Variants in B3GAT2 observed in about 807,000 individuals in gnomAD.
The protein encoded by B3GAT2 is galactosylgalactosylxylosylprotein 3-beta-glucuronosyltransferase 2.
B3GAT2 carries 26 observed loss-of-function variants against 27.8 expected under a neutral mutation model. The ratio of observed to expected loss-of-function variants is 0.93; its 90% CI spans 0.68 to 1.30. The LOEUF (loss-of-function observed/expected upper bound fraction) is 1.30, where lower values mean the gene tolerates loss of function less well. Among genes scored for constraint, B3GAT2 ranks in the 50% most tolerant of loss-of-function variants. The pLI, the probability that B3GAT2 is intolerant of heterozygous loss-of-function variation, is 0.00. For synonymous variants in B3GAT2, 218 were observed against 195.1 expected, an observed-to-expected ratio of 1.12 and a Z score of -0.98; for missense variants, 458 against 459.0, an observed-to-expected ratio of 1.00 and a Z score of 0.02.
chr6:70,895,833 C>CT (rs11412558), intron 1 of B3GAT2, among the ~76,000 whole-genome samples: 45,575 of 147,358 alleles, frequency 0.31, 7,106 homozygotes, highest in African/African-American at 0.36. Flanking sequence ...ACTTTTACAA[C>CT]TTTTTTTTTT....
In B3GAT2 at chr6:70,956,191, G is replaced by GGCAGCT. The variant is rs778085009; in HGVS notation, c.233_238dup (p.Gln78_Leu79dup). On this transcript the variant is annotated inframe_insertion, in exon 1 of 4. Transcript: ENST00000230053. Reference sequence around the variant, plus strand: ...GGTGGGCGTGATGGCATAGATGGTGGGCAGCTGCGGCTCCGGCTGTGGCTG... The same window carrying GGCAGCT: ...GGTGGGCGTGATGGCATAGATGGTGGGCAGCTGCAGCTGCGGCTCCGGCTGTGGCTG... 6.2e-7 allele frequency: 1 copy of GGCAGCT among 1,611,754 alleles called. No homozygotes were observed. Among genetic ancestry groups the GGCAGCT allele is most frequent in the Non-Finnish European group, 8.5e-7 (1 of 1,178,810 alleles).
intron 1 of B3GAT2, among the ~76,000 whole-genome samples, chr6:70,939,994 A>G (rs1392407803): frequency 6.6e-6 from 1 of 152,142 alleles, no homozygotes; most frequent in African/African-American, 2.4e-5. Flanking sequence ...GTGACCAGAA[A>G]ATGTTGGGGA....
chr6:70,867,491 G>A (rs1348704933), intron 2 of B3GAT2, among the ~76,000 whole-genome samples: 1 of 151,898 alleles, frequency 6.6e-6, no homozygotes, highest in Admixed American at 6.6e-5. Context: ...AAAGAGATAG[G>A]TTCTACAAAC....
chr6:70,887,405 C>A (rs1238460836), intron 2 of B3GAT2, among the ~76,000 whole-genome samples: 1 of 152,138 alleles, frequency 6.6e-6, no homozygotes, highest in African/African-American at 2.4e-5. Flanking sequence ...CAGAGTGATC[C>A]CTCGACCCCC....
At chr6:70,862,060 A>G in intron 2 of B3GAT2, 82 bp from the exon 3 acceptor site, 2 of 1,351,714 alleles carry the variant, frequency 1.5e-6, no homozygotes, top group East Asian at 2.5e-5. Flanking sequence ...TGGTCACATC[A>G]AAACAGTTTT....
chr6:70,932,033 A>G (rs184577488), intron 1 of B3GAT2, among the ~76,000 whole-genome samples: 7 of 152,302 alleles, frequency 4.6e-5, no homozygotes, highest in Admixed American at 3.3e-4. Flanking sequence ...ATCACTAATT[A>G]TAGGAGAGAT....
intron 1 of B3GAT2, among the ~76,000 whole-genome samples, chr6:70,950,530 C>T (rs9446311): frequency 0.34 from 51,346 of 151,958 alleles, 9,158 homozygotes; most frequent in East Asian, 0.48. Flanking sequence ...ACAATGCAGG[C>T]GCTAGAACCA....
intron 1 of B3GAT2, among the ~76,000 whole-genome samples, chr6:70,933,895 C>T (rs1466771255): frequency 1.3e-5 from 2 of 152,156 alleles, no homozygotes; most frequent in Non-Finnish European, 2.9e-5. Flanking sequence ...ACTTTACGTA[C>T]CTATTACCTC....
chr6:70,861,699 T>G lies in B3GAT2; in HGVS notation c.936A>C (p.Pro312=). 1 of 1,614,146 alleles carries G rather than the reference T, an allele frequency of 6.2e-7. No individual in the cohort carries two copies. Among genetic ancestry groups the G allele is most frequent in the Non-Finnish European group, 8.5e-7 (1 of 1,179,988 alleles). Reference sequence around the variant, plus strand: ...TTTTCACTGTGTCCAGGTGGTACTTTGGCTCGTTGGCTAGATTAACCTTCT... The same window carrying G: ...TTTTCACTGTGTCCAGGTGGTACTTGGGCTCGTTGGCTAGATTAACCTTCT... ...RTEKVNLANE[P]KYHLDTVKIE... The change falls in exon 4 of 4, where the codon CCA becomes CCC. Residue 312 remains proline, a synonymous_variant. Coordinates refer to ENST00000230053, the MANE Select transcript of B3GAT2 (RefSeq NM_080742.3).
intron 1 of B3GAT2, among the ~76,000 whole-genome samples, chr6:70,923,603 A>T (rs1772906291): frequency 1.3e-5 from 2 of 152,148 alleles, no homozygotes. Flanking sequence ...TTGAGCCAGG[A>T]GGTCAAGCCA....
intron 1 of B3GAT2, among the ~76,000 whole-genome samples, chr6:70,900,995 T>C (rs1410142901): frequency 1.3e-5 from 2 of 152,118 alleles, no homozygotes; most frequent in South Asian, 2.1e-4. Flanking sequence ...ACCCATGAAC[T>C]AAGAACACAA....
chr6:70,936,252 G>C (rs914815526), intron 1 of B3GAT2, among the ~76,000 whole-genome samples: 12 of 152,000 alleles, frequency 7.9e-5, no homozygotes, highest in African/African-American at 2.7e-4. Context: ...GATTCATAAA[G>C]CAAGTCCTGA....
rs555816531 is a variant in B3GAT2 at position 70,945,219 on chromosome 6, C to T, written c.591+10620G>A. On this transcript the variant is annotated intron_variant, in intron 1 of 3. Transcript: ENST00000230053. ...TCACCAGCAACGGAACAAAGCTGGA[C>T]AGAGAATGACTTTGACGAGTTGAGA... Among the ~76,000 whole-genome samples the T allele has an allele frequency of 3.1e-3, 476 of 152,270 alleles. 4 individuals are homozygous for T. The highest frequency in any genetic ancestry group is 0.014 in the South Asian group (67 of 4,818).
At chr6:70,930,578 C>G (rs138430804) in intron 1 of B3GAT2, among the ~76,000 whole-genome samples, 1 of 152,056 alleles carries the variant, frequency 6.6e-6, no homozygotes, top group South Asian at 2.1e-4. Context: ...AACAGACACA[C>G]GAAAAAATGC....
intron 1 of B3GAT2, among the ~76,000 whole-genome samples, chr6:70,912,959 A>G (rs1210684172): frequency 6.6e-6 from 1 of 152,008 alleles, no homozygotes; most frequent in African/African-American, 2.4e-5. Flanking sequence ...GTCTGCATAG[A>G]GGTGTTTGTA....
chr6:70,889,909 G>A (rs1772258514), intron 2 of B3GAT2, among the ~76,000 whole-genome samples: 4 of 151,860 alleles, frequency 2.6e-5, no homozygotes, highest in Admixed American at 2.6e-4. Context: ...AGCCTCCTGA[G>A]TAGCTGGGAT....
chr6:70,947,344 T>C (rs12530414), intron 1 of B3GAT2, among the ~76,000 whole-genome samples: 35,817 of 151,138 alleles, frequency 0.24, 4,454 homozygotes, highest in Non-Finnish European at 0.28. Flanking sequence ...GCAAGACTAA[T>C]AAAGAAGAAA....
chr6:70,882,379 T>C (rs1485484262), intron 2 of B3GAT2, among the ~76,000 whole-genome samples: 3 of 152,220 alleles, frequency 2.0e-5, no homozygotes, highest in East Asian at 3.9e-4. Context: ...CGGGTGCCTG[T>C]AGTCCCAGCT....
intron 2 of B3GAT2, among the ~76,000 whole-genome samples, chr6:70,884,229 G>C (rs985553796): frequency 6.6e-6 from 1 of 151,774 alleles, no homozygotes; most frequent in Non-Finnish European, 1.5e-5. Context: ...TTGCCATTTT[G>C]ATGCGAAGCC....
Sources: gnomAD v4.1 joint callset for allele counts (sites outside exome capture counted in the v4.1 genomes callset) on GRCh38, gnomAD v4.1.1 for gene constraint, MANE v1.5 for transcripts, NCBI Gene and HGNC (gene_info 2026-07-23, HGNC 2026-07-21) for gene names.